The following PNPT1 variants were observed in gnomAD, a reference collection of about 807,000 sequenced individuals.
PNPT1 encodes polyribonucleotide nucleotidyltransferase 1.
Under a neutral mutation model 119.5 loss-of-function variants are expected in PNPT1, and 53 were observed. The observed-to-expected ratio is 0.44, with a 90% confidence interval of 0.36 to 0.56. The LOEUF (loss-of-function observed/expected upper bound fraction) is 0.56, where lower values mean the gene tolerates loss of function less well. Ranked by LOEUF, PNPT1 falls within the 20% of genes least tolerant of loss-of-function variation. PNPT1 has a pLI of 0.00. For missense variants in PNPT1, 948 were observed against 938.5 expected (o/e 1.01, Z -0.13); for synonymous variants, 357 against 322.1 (o/e 1.11, Z -1.16).
chr2:55,693,584 T>G (rs1697691003), intron 1 of PNPT1, 79 bp downstream of exon 1: 4 of 1,567,888 alleles, frequency 2.6e-6, no homozygotes, highest in Admixed American at 3.5e-5. Flanking sequence ...ACCGGGTTTC[T>G]ACCCTGGGAG....
In PNPT1 at chr2:55,662,037, A is replaced by G; in HGVS notation, c.1177-11T>C. On this transcript the variant is annotated splice_polypyrimidine_tract_variant and intron_variant, in intron 13 of 27. Transcript: ENST00000447944. ...AACGGTACAAAGCACCTAAAAAAGA[A>G]AAAGAATTCCTCAGGCTTTAATATA... 1 of 1,550,796 alleles carries G rather than the reference A, an allele frequency of 6.4e-7. No individual in the cohort carries two copies. Among genetic ancestry groups the G allele is most frequent in the Admixed American group, 2.3e-5 (1 of 44,014 alleles).
At chr2:55,642,484 C>T (rs1462242284) in intron 25 of PNPT1, among the ~76,000 whole-genome samples, 1 of 151,496 alleles carries the variant, frequency 6.6e-6, no homozygotes, top group Admixed American at 6.6e-5. Flanking sequence ...TGGCGGGCAC[C>T]TGCAGTCCCA....
chr2:55,643,202 T>A lies in PNPT1; in HGVS notation c.2025A>T (p.Gln675His). ...CGGTATATACTGCTCCAAATTCTAATTGCTGCTCCTGCTGTAAGTGCAAAA... is the reference window on the plus strand; with the variant it reads ...CGGTATATACTGCTCCAAATTCTAAATGCTGCTCCTGCTGTAAGTGCAAAA... ...TEICKDDQEQ[Q>H]LEFGAVYTAT... Residue 675 changes from glutamine (Q) to histidine (H), a missense_variant, in exon 25 of 28, where the codon CAA becomes CAT. Coordinates refer to ENST00000447944, the MANE Select transcript of PNPT1 (RefSeq NM_033109.5). 6.2e-7 allele frequency: 1 copy of A among 1,614,184 alleles called. No homozygotes were observed. The highest frequency in any genetic ancestry group is 1.1e-5 in the South Asian group (1 of 91,078).
intron 18 of PNPT1, among the ~76,000 whole-genome samples, chr2:55,651,393 G>A (rs1352719089): frequency 4.6e-5 from 7 of 151,990 alleles, no homozygotes; most frequent in East Asian, 3.9e-4. Context: ...TGTAGAAAGA[G>A]GTAGACGTGG....
chr2:55,650,868 C>T (rs1329894048), intron 18 of PNPT1, among the ~76,000 whole-genome samples: 3 of 151,592 alleles, frequency 2.0e-5, no homozygotes, highest in South Asian at 2.1e-4. Flanking sequence ...CGTCTCTGCC[C>T]GGCAGCCACC....
intron 8 of PNPT1, among the ~76,000 whole-genome samples, chr2:55,676,732 C>A (rs547049659): frequency 2.5e-4 from 38 of 152,080 alleles, no homozygotes; most frequent in African/African-American, 8.4e-4. Context: ...TGTGGTGGTG[C>A]ACGCCTGTAA....
At chr2:55,693,061 C>T (rs1697671769) in intron 1 of PNPT1, among the ~76,000 whole-genome samples, 1 of 152,162 alleles carries the variant, frequency 6.6e-6, no homozygotes, top group African/African-American at 2.4e-5. Flanking sequence ...GTGTGGCTCT[C>T]TCCCTGTCCA....
chr2:55,660,096 C>T, intron 15 of PNPT1, 61 bp downstream of exon 15: 11 of 1,461,578 alleles, frequency 7.5e-6, no homozygotes, highest in Non-Finnish European at 1.0e-5. Context: ...AGGGTGAGAC[C>T]TCGTCTCACA....
At chr2:55,668,931 C>T (rs983298716) in intron 11 of PNPT1, among the ~76,000 whole-genome samples, 4 of 152,216 alleles carry the variant, frequency 2.6e-5, no homozygotes, top group Non-Finnish European at 4.4e-5. Context: ...GACACCCTCA[C>T]TCTTTTGCCT....
rs773946757 is a variant in PNPT1 at position 55,693,831 on chromosome 2, G to A, written c.-8C>T. ...GTACCTGCAGGCCGCCATGACACCC[G>A]GCACGCGGTCAACGCAGGCTGTGCC... On this transcript the variant is annotated 5_prime_UTR_variant, in exon 1 of 28. Transcript: ENST00000447944. 3 of 1,612,784 alleles carry A rather than the reference G, an allele frequency of 1.9e-6. No homozygotes were observed. Among genetic ancestry groups the A allele is most frequent in the East Asian group, 2.2e-5 (1 of 44,876 alleles).
chr2:55,672,581 A>G (rs1696947611), intron 9 of PNPT1, among the ~76,000 whole-genome samples: 1 of 152,246 alleles, frequency 6.6e-6, no homozygotes, highest in Non-Finnish European at 1.5e-5. Flanking sequence ...GAGAATTCCA[A>G]CAGTTTCCTT....
chr2:55,663,911 C>T (rs1338241988), intron 13 of PNPT1, among the ~76,000 whole-genome samples: 1 of 152,014 alleles, frequency 6.6e-6, no homozygotes, highest in South Asian at 2.1e-4. Flanking sequence ...GGGGCATGAA[C>T]CCAGGAGGCG....
intron 18 of PNPT1, among the ~76,000 whole-genome samples, chr2:55,649,407 TTCC>T (rs1220352487): frequency 1.3e-5 from 2 of 152,236 alleles, no homozygotes; most frequent in African/African-American, 2.4e-5. Context: ...CAACATTTCT[TTCC>T]TCATTTCCTA....
At chr2:55,670,021 A>C (rs2104116259) in intron 11 of PNPT1, among the ~76,000 whole-genome samples, 1 of 152,210 alleles carries the variant, frequency 6.6e-6, no homozygotes, top group East Asian at 1.9e-4. Flanking sequence ...GGCTTCCCAA[A>C]GTGCTGGGAT....
At chr2:55,661,063 A>C (rs565257015) in intron 14 of PNPT1, among the ~76,000 whole-genome samples, 4 of 151,112 alleles carry the variant, frequency 2.6e-5, no homozygotes, top group Non-Finnish European at 5.9e-5. Context: ...TCTATGCAAT[A>C]ATGCTGGTGA....
intron 22 of PNPT1, 187 bp from the exon 23 acceptor site, chr2:55,644,907 G>T: frequency 2.3e-6 from 1 of 431,038 alleles, no homozygotes; most frequent in Non-Finnish European, 4.0e-6. Context: ...AAAATTTAAA[G>T]CATTTTAACT....
Position 55,647,345 on chromosome 2 carries a change from G to A in PNPT1, c.1602+2C>T, listed in dbSNP as rs764407956. 2.5e-6 allele frequency: 4 copies of A among 1,592,954 alleles called. No individual in the cohort carries two copies. The highest frequency in any genetic ancestry group is 3.4e-6 in the Non-Finnish European group (4 of 1,168,974). The stretch of plus-strand genomic sequence containing the variant: ...AATATTTGAAACCGAGAATATACTT[G>A]CCAAAATATCTGTCAGCAAACGATA... On this transcript the variant is annotated splice_donor_variant, in intron 19 of 27. Coordinates refer to ENST00000447944, the MANE Select transcript of PNPT1 (RefSeq NM_033109.5). LOFTEE classifies it low-confidence loss of function (GC_TO_GT_DONOR).
At chr2:55,642,765 C>T (rs1293996240) in intron 25 of PNPT1, among the ~76,000 whole-genome samples, 1 of 151,834 alleles carries the variant, frequency 6.6e-6, no homozygotes, top group Admixed American at 6.6e-5. Flanking sequence ...AATCTAAACA[C>T]CTTATGATTT....
chr2:55,655,651 G>C (rs1463116979), intron 17 of PNPT1, among the ~76,000 whole-genome samples: 1 of 152,066 alleles, frequency 6.6e-6, no homozygotes, highest in African/African-American at 2.4e-5. Flanking sequence ...TCTGATTTAC[G>C]TCTGTTACAC....
Sources: gnomAD v4.1 joint callset for allele counts (sites outside exome capture counted in the v4.1 genomes callset) on GRCh38, gnomAD v4.1.1 for gene constraint, MANE v1.5 for transcripts, NCBI Gene and HGNC (gene_info 2026-07-23, HGNC 2026-07-21) for gene names.